The following PPARGC1A variants were observed in gnomAD, a reference collection of about 807,000 sequenced individuals.
PPARGC1A encodes peroxisome proliferator-activated receptor gamma coactivator 1-alpha.
PPARGC1A carries 25 observed loss-of-function variants against 88.7 expected under a neutral mutation model. The ratio of observed to expected loss-of-function variants is 0.28; its 90% confidence interval spans 0.21 to 0.39. PPARGC1A has a LOEUF of 0.39. PPARGC1A is among the 10% of genes least tolerant of loss of function. The probability of loss-of-function intolerance (pLI) is 1.00; values close to 1 mark genes in which losing one functional copy is unlikely to be tolerated. For synonymous variants in PPARGC1A, 363 were observed against 355.6 expected, an observed-to-expected ratio of 1.02 and a Z score of -0.24; for missense variants, 880 against 968.7, an observed-to-expected ratio of 0.91 and a Z score of 1.22.
At chr4:24,100,605 C>T in the PPARGC1A span, among the ~76,000 whole-genome samples, 7 of 152,158 alleles carry the variant, frequency 4.6e-5, no homozygotes, top group East Asian at 7.7e-4. Context: ...TTGAGTGCCA[C>T]AAAATGTCAG....
chr4:23,907,598 T>C (rs556411889), upstream of PPARGC1A, among the ~76,000 whole-genome samples: 3 of 152,248 alleles, frequency 2.0e-5, no homozygotes, highest in South Asian at 4.2e-4. Flanking sequence ...TTTTTCCATC[T>C]CGAAAATGGG....
chr4:24,437,333 G>A, the PPARGC1A span, among the ~76,000 whole-genome samples: 2 of 152,312 alleles, frequency 1.3e-5, no homozygotes, highest in East Asian at 3.9e-4. Context: ...AGCTGGGGTG[G>A]TCAGGGAGGT....
chr4:24,184,792 A>G, the PPARGC1A span, among the ~76,000 whole-genome samples: 1 of 152,230 alleles, frequency 6.6e-6, no homozygotes, highest in African/African-American at 2.4e-5. Context: ...CCCAGCTAAA[A>G]TCATTTTCTA....
chr4:24,121,741 T>C, the PPARGC1A span, among the ~76,000 whole-genome samples: 2 of 152,214 alleles, frequency 1.3e-5, no homozygotes, highest in African/African-American at 4.8e-5. Flanking sequence ...ATTATACTCC[T>C]GAGTTTAGGT....
the PPARGC1A span, among the ~76,000 whole-genome samples, chr4:24,121,124 C>T: frequency 6.6e-6 from 1 of 152,192 alleles, no homozygotes; most frequent in African/African-American, 2.4e-5. Context: ...GATTCTCTGT[C>T]ACACCACTGG....
At chr4:24,163,165 C>T in the PPARGC1A span, among the ~76,000 whole-genome samples, 90 of 149,116 alleles carry the variant, frequency 6.0e-4, no homozygotes, top group African/African-American at 1.9e-3. Flanking sequence ...CTGTGATCAA[C>T]AGCAATGCCA....
At chr4:23,893,946 C>T (rs1878950), upstream of PPARGC1A, among the ~76,000 whole-genome samples, 1,363 of 152,200 alleles carry the variant, frequency 9.0e-3, 18 homozygotes, top group African/African-American at 0.031. Flanking sequence ...TTTAGTCCTC[C>T]AAACTATCCA....
the PPARGC1A span, among the ~76,000 whole-genome samples, chr4:24,186,364 G>A: frequency 6.6e-6 from 1 of 152,164 alleles, no homozygotes; most frequent in Non-Finnish European, 1.5e-5. Context: ...GCCTACTACA[G>A]CTGTGCCTCC....
chr4:23,904,073 G>A, upstream of PPARGC1A: 1 of 981,694 alleles, frequency 1.0e-6, no homozygotes, highest in Non-Finnish European at 1.2e-6. Context: ...GGTATCATGA[G>A]ATGAGGGAAC....
chr4:23,943,717 G>C, the PPARGC1A span, among the ~76,000 whole-genome samples: 1 of 152,138 alleles, frequency 6.6e-6, no homozygotes, highest in African/African-American at 2.4e-5. Context: ...ACTGTGCAGT[G>C]GAGAACCCTG....
the PPARGC1A span, among the ~76,000 whole-genome samples, chr4:24,008,401 G>T: frequency 3.3e-5 from 5 of 152,222 alleles, no homozygotes; most frequent in African/African-American, 9.6e-5. Flanking sequence ...TCCACTGGTT[G>T]GGATATATCT....
chr4:24,039,055 T>C, the PPARGC1A span, among the ~76,000 whole-genome samples: 1 of 152,274 alleles, frequency 6.6e-6, no homozygotes, highest in African/African-American at 2.4e-5. Flanking sequence ...TCGTAAGTAA[T>C]TTAAACTCAA....
the PPARGC1A span, among the ~76,000 whole-genome samples, chr4:24,362,901 G>C: frequency 6.6e-6 from 1 of 152,288 alleles, no homozygotes; most frequent in East Asian, 1.9e-4. Context: ...TATCAAGCGT[G>C]CAAGAGGCAT....
chr4:24,113,283 T>C, the PPARGC1A span, among the ~76,000 whole-genome samples: 5 of 152,042 alleles, frequency 3.3e-5, no homozygotes, highest in Admixed American at 3.3e-4. Context: ...AATGAAGAGA[T>C]GGATGGATGG....
At chr4:23,973,899 T>C in the PPARGC1A span, among the ~76,000 whole-genome samples, 1 of 151,944 alleles carries the variant, frequency 6.6e-6, no homozygotes, top group Non-Finnish European at 1.5e-5. Flanking sequence ...AGGGTCAGCA[T>C]ATGGTGGGCT....
chr4:24,395,804 C>G, the PPARGC1A span, among the ~76,000 whole-genome samples: 1 of 152,174 alleles, frequency 6.6e-6, no homozygotes, highest in Admixed American at 6.5e-5. Context: ...CAATGTCACA[C>G]CATTGTAAGT....
the PPARGC1A span, among the ~76,000 whole-genome samples, chr4:24,136,029 T>C: frequency 6.6e-6 from 1 of 152,208 alleles, no homozygotes; most frequent in East Asian, 1.9e-4. Context: ...ATTTCTGCTT[T>C]GCTTGGCAGG....
At chr4:24,306,874 G>T in the PPARGC1A span, among the ~76,000 whole-genome samples, 1 of 152,194 alleles carries the variant, frequency 6.6e-6, no homozygotes, top group African/African-American at 2.4e-5. Flanking sequence ...CTTTTATAAA[G>T]TGTACTTCTT....
the PPARGC1A span, among the ~76,000 whole-genome samples, chr4:24,417,345 G>T: frequency 6.6e-6 from 1 of 152,178 alleles, no homozygotes; most frequent in African/African-American, 2.4e-5. Flanking sequence ...CCCAGCACAT[G>T]CCAAGAATCC....
Sources: allele counts gnomAD v4.1 joint callset (sites outside exome capture counted in the v4.1 genomes callset), GRCh38; gene constraint gnomAD v4.1.1; transcripts MANE v1.5; gene names NCBI Gene and HGNC (gene_info 2026-07-23, HGNC 2026-07-21).